Variants in MEGF6 observed in about 807,000 individuals in gnomAD.
MEGF6 encodes the protein multiple epidermal growth factor-like domains protein 6.
In MEGF6, 184 loss-of-function variants were observed where a neutral mutation model predicts 207.1. The ratio of observed to expected loss-of-function variants is 0.89; its 90% confidence interval spans 0.79 to 1.00. The LOEUF (loss-of-function observed/expected upper bound fraction) is 1.00. MEGF6 is among the 50% of genes least tolerant of loss of function. The pLI, the probability that MEGF6 is intolerant of heterozygous loss-of-function variation, is 0.00. For synonymous variants in MEGF6, 1,038 were observed against 910.0 expected, an observed-to-expected ratio of 1.14 and a Z score of -2.53; for missense variants, 2,282 against 2,202.9, an observed-to-expected ratio of 1.04 and a Z score of -0.72.
chr1:3,611,030 G>A (rs1488474939), intron 1 of MEGF6, 108 bp downstream of exon 1: 2 of 1,316,218 alleles, frequency 1.5e-6, no homozygotes, highest in Non-Finnish European at 2.0e-6. Context: ...ACAGCCCATT[G>A]TTCTGGAGCC....
intron 4 of MEGF6, among the ~76,000 whole-genome samples, chr1:3,543,956 G>A (rs1642615929): frequency 6.6e-6 from 1 of 152,206 alleles, no homozygotes; most frequent in Non-Finnish European, 1.5e-5. Context: ...CAGCCCCAGA[G>A]CACGAATCAG....
rs1641240687 is a variant in MEGF6 at position 3,509,253 on chromosome 1, G to A, written c.1358-8C>T. 6.8e-7 allele frequency: 1 copy of A among 1,466,468 alleles called. No homozygotes were observed. The highest frequency in any genetic ancestry group is 2.7e-5 in the East Asian group (1 of 37,124). 90.8% of individuals were successfully genotyped at this position (1,466,468 alleles called of 1,614,324 possible). ...CCATCGGCTCCTCCAGGGCTGCCAGGGGCACAGAGGCGCCTTAGCCCCTGC... is the reference window on the plus strand; with the variant it reads ...CCATCGGCTCCTCCAGGGCTGCCAGAGGCACAGAGGCGCCTTAGCCCCTGC... On this transcript the variant is annotated splice_region_variant and splice_polypyrimidine_tract_variant and intron_variant, in intron 11 of 36. Transcript: ENST00000356575.
At chr1:3,524,733 G>A (rs1242215138) in intron 4 of MEGF6, among the ~76,000 whole-genome samples, 1 of 152,226 alleles carries the variant, frequency 6.6e-6, no homozygotes, top group African/African-American at 2.4e-5. Context: ...GCAGTTCATG[G>A]CCATCTGGAG....
At chr1:3,513,168 T>G (rs923846445) in intron 7 of MEGF6, among the ~76,000 whole-genome samples, 4 of 152,172 alleles carry the variant, frequency 2.6e-5, no homozygotes, top group African/African-American at 9.7e-5. Context: ...CAATGTCTCC[T>G]TTCTTCTTGA....
chr1:3,497,602 G>A (rs764856564), intron 26 of MEGF6: 34 of 685,050 alleles, frequency 5.0e-5, no homozygotes, highest in South Asian at 3.6e-4. Flanking sequence ...AGTGAGGCCC[G>A]AATGTGCCCT....
In MEGF6 at chr1:3,533,919, G is replaced by A. The variant is rs76855999; in HGVS notation, c.482-9673C>T. 3.5e-3 allele frequency among the ~76,000 whole-genome samples: 540 copies of A among 152,274 alleles called. 12 individuals are homozygous for A. In the East Asian group the frequency reaches 0.07, roughly 20 times the overall value. On this transcript the variant is annotated intron_variant, in intron 4 of 36. Coordinates refer to ENST00000356575, the MANE Select transcript of MEGF6 (RefSeq NM_001409.4). ...CCCACTCTGACACCCTCCAGGCTCC[G>A]GGGTCTTGGGAGGAGGAAGAAGCCC...
chr1:3,561,042 C>T (rs1643184433), intron 4 of MEGF6, among the ~76,000 whole-genome samples: 1 of 152,168 alleles, frequency 6.6e-6, no homozygotes, highest in South Asian at 2.1e-4. Flanking sequence ...AAGGTTCTCC[C>T]CCAAGTCTGC....
At chr1:3,600,822 G>A (rs1263724171) in intron 2 of MEGF6, among the ~76,000 whole-genome samples, 1 of 152,176 alleles carries the variant, frequency 6.6e-6, no homozygotes, top group African/African-American at 2.4e-5. Flanking sequence ...CCATCCCCCC[G>A]GCACCAGGGT....
At chr1:3,509,786 G>A (rs938010731) in intron 11 of MEGF6, 84 bp downstream of exon 11, 1 of 1,446,382 alleles carries the variant, frequency 6.9e-7, no homozygotes, top group South Asian at 1.4e-5. Flanking sequence ...GGGGTGGGGT[G>A]GGCCAGGCCT....
intron 3 of MEGF6, among the ~76,000 whole-genome samples, chr1:3,582,178 T>C (rs1643813472): frequency 6.6e-6 from 1 of 152,134 alleles, no homozygotes; most frequent in Admixed American, 6.5e-5. Flanking sequence ...ACATTAATTG[T>C]TGCTCTTCAT....
At chr1:3,550,705 T>C (rs1300085248) in intron 4 of MEGF6, among the ~76,000 whole-genome samples, 1 of 152,140 alleles carries the variant, frequency 6.6e-6, no homozygotes, top group Non-Finnish European at 1.5e-5. Flanking sequence ...GACTGCAATG[T>C]CACAAGTGCC....
rs548428917 is a variant in MEGF6, at chr1:3,553,587, A to G, written c.481+26238T>C. On this transcript the variant is annotated intron_variant, in intron 4 of 36. Coordinates refer to ENST00000356575, the MANE Select transcript of MEGF6 (RefSeq NM_001409.4). Reference sequence around the variant, plus strand: ...CTGGGCCTCAGGCTATGGCAGGAGCAGGATTTACGAGGCCCTGCCTGCCCG... The same window carrying G: ...CTGGGCCTCAGGCTATGGCAGGAGCGGGATTTACGAGGCCCTGCCTGCCCG... Among the ~76,000 whole-genome samples, 13 of 152,262 alleles carry G rather than the reference A, an allele frequency of 8.5e-5. No homozygotes were observed. The South Asian group carries it at 2.3e-3, about 27-fold the overall frequency.
chr1:3,560,453 T>C lies in MEGF6; in HGVS notation c.481+19372A>G, dbSNP rs958981182. Among the ~76,000 whole-genome samples, 5 of 152,168 alleles carry C rather than the reference T, an allele frequency of 3.3e-5. No homozygotes were observed. The highest frequency in any genetic ancestry group is 7.3e-5 in the Non-Finnish European group (5 of 68,028). On this transcript the variant is annotated intron_variant, in intron 4 of 36. Coordinates refer to ENST00000356575, the MANE Select transcript of MEGF6 (RefSeq NM_001409.4). This position sits in a 1 kb window ranked among gnomAD's most constrained non-coding sequence, Gnocchi z 4.0. ...CCCTAAAAATCCTCTGTGCTCCGCC[T>C]ATTCACCCCTTCCTCCCTCCTTCCT...
intron 3 of MEGF6, among the ~76,000 whole-genome samples, chr1:3,584,130 C>G (rs530538053): frequency 6.6e-6 from 1 of 152,358 alleles, no homozygotes; most frequent in Non-Finnish European, 1.5e-5. Flanking sequence ...CAGGGTGCCA[C>G]CGGCGCAGGA....
At chr1:3,551,135 C>A (rs1642871585) in intron 4 of MEGF6, among the ~76,000 whole-genome samples, 1 of 152,222 alleles carries the variant, frequency 6.6e-6, no homozygotes, top group African/African-American at 2.4e-5. Flanking sequence ...AGATGCCCCA[C>A]AGATGTGAGG....
At position 3,579,858 on chromosome 1, in the gene MEGF6, G is replaced by T. The variant is rs1394024367; in HGVS notation, c.448C>A (p.Pro150Thr). Residue 150 changes from proline to threonine, a missense_variant, in exon 4 of 37, where the codon CCC (proline) becomes ACC (threonine). Pro to Thr is a conservative substitution (Grantham distance 38). Coordinates refer to ENST00000356575, the MANE Select transcript of MEGF6 (RefSeq NM_001409.4). ...VPGSAQPCHCPPGFQGPRCQY... is the reference protein window; with the variant it reads ...VPGSAQPCHCTPGFQGPRCQY... ...CAGCGGGGTCCCTGGAAGCCGGGGGGACAGTGACACGGCTGGGCTGAGCCT... is the reference window on the plus strand; with the variant it reads ...CAGCGGGGTCCCTGGAAGCCGGGGGTACAGTGACACGGCTGGGCTGAGCCT... The T allele has an allele frequency of 1.3e-6, 2 of 1,541,738 alleles. No homozygotes were observed. Among genetic ancestry groups the T allele is most frequent in the Non-Finnish European group, 1.7e-6 (2 of 1,150,264 alleles).
In MEGF6 at chr1:3,499,728, G is replaced by T. The variant is rs745377387; in HGVS notation, c.2837-12C>A. On this transcript the variant is annotated splice_polypyrimidine_tract_variant and intron_variant, in intron 22 of 36. Transcript: ENST00000356575. ...GCCGGCCGGGCAGGCTGCAGACAGC[G>T]GGCAGTGATGTGGAGGGGCCCACAC... is the stretch of plus-strand genomic sequence containing the variant. 5.6e-6 allele frequency: 9 copies of T among 1,602,198 alleles called. No homozygotes were observed. Among genetic ancestry groups the T allele is most frequent in the Non-Finnish European group, 6.8e-6 (8 of 1,175,568 alleles).
At chr1:3,526,870 C>A (rs1276981451) in intron 4 of MEGF6, among the ~76,000 whole-genome samples, 2 of 152,202 alleles carry the variant, frequency 1.3e-5, no homozygotes, top group Non-Finnish European at 2.9e-5. Context: ...GCCAGGGTGA[C>A]AATGGAGGCC....
At position 3,583,854 on chromosome 1, in the gene MEGF6, AGCCACCAGACAACGCG is replaced by A. The variant is rs1278022793; in HGVS notation, c.377-3941_377-3926del. Among the ~76,000 whole-genome samples, 25 of 148,624 alleles carry A rather than the reference AGCCACCAGACAACGCG, an allele frequency of 1.7e-4. 1 individual carries two copies. Among genetic ancestry groups the A allele is most frequent in the African/African-American group, 5.9e-4 (23 of 39,084 alleles). ...AACGCGCAGCCACCAGACAACCCGC[AGCCACCAGACAACGCG>A]CAGCCACCAGACAACGCGCAGCCAC... On this transcript the variant is annotated intron_variant, in intron 3 of 36. Coordinates refer to ENST00000356575, the MANE Select transcript of MEGF6 (RefSeq NM_001409.4).
Sources: gnomAD v4.1 joint callset for allele counts (sites outside exome capture counted in the v4.1 genomes callset) on GRCh38, gnomAD v4.1.1 for gene constraint, Gnocchi (gnomAD v3.1) non-coding constraint, MANE v1.5 for transcripts, NCBI Gene and HGNC (gene_info 2026-07-23, HGNC 2026-07-21) for gene names.